The following LYRM1 variants were observed in gnomAD, a reference collection of about 807,000 sequenced individuals.
LYRM1 encodes LYR motif-containing protein 1.
In LYRM1, 14 loss-of-function variants were observed where a neutral mutation model predicts 14.9. The ratio of observed to expected loss-of-function variants is 0.94; its 90% CI spans 0.62 to 1.47. The LOEUF is 1.47. LYRM1 is among the 40% of genes most tolerant of loss of function. The probability of loss-of-function intolerance (pLI) is 0.00; values close to 1 mark genes in which losing one functional copy is unlikely to be tolerated. For missense variants in LYRM1, 153 were observed against 149.9 expected (o/e 1.02, Z -0.11); for synonymous variants, 43 against 56.2 (o/e 0.77, Z 1.05).
chr16:20,922,747 C>T (rs1300930786), intron 3 of LYRM1, among the ~76,000 whole-genome samples: 1 of 152,142 alleles, frequency 6.6e-6, no homozygotes, highest in Non-Finnish European at 1.5e-5. Flanking sequence ...CTCAGCTTCC[C>T]AAAGTGCTGG....
At chr16:20,923,874 G>A in intron 3 of LYRM1, 126 bp from the exon 4 acceptor site, 2 of 573,890 alleles carry the variant, frequency 3.5e-6, no homozygotes, top group South Asian at 4.9e-5. Context: ...CTTGTGTAAA[G>A]ATTAATGAAT....
chr16:20,919,989 C>T, intron 2 of LYRM1, 133 bp from the exon 3 acceptor site: 1 of 501,248 alleles, frequency 2.0e-6, no homozygotes, highest in Non-Finnish European at 3.5e-6. Context: ...TATTAAATTG[C>T]TTTTGATTTT....
chr16:20,918,672 T>C (rs1466272018), intron 2 of LYRM1, among the ~76,000 whole-genome samples: 1 of 152,160 alleles, frequency 6.6e-6, no homozygotes, highest in Non-Finnish European at 1.5e-5. Flanking sequence ...TTTTCTTTCT[T>C]CCTAGTCCCT....
At position 20,924,128 on chromosome 16, in the gene LYRM1, G is replaced by A. The variant is rs750970900; in HGVS notation, c.*12G>A. The A allele has an allele frequency of 2.8e-6, 4 of 1,434,928 alleles. No individual in the cohort carries two copies. Among genetic ancestry groups the A allele is most frequent in the Non-Finnish European group, 3.9e-6 (4 of 1,026,644 alleles). 88.9% of individuals were successfully genotyped at this position (1,434,928 alleles called of 1,614,324 possible). ...ATGAAGTTTCCTAATCTAGAGGAAAGTTTATTTCTGCAAATGATGAGCCAA... is the reference window on the plus strand; with the variant it reads ...ATGAAGTTTCCTAATCTAGAGGAAAATTTATTTCTGCAAATGATGAGCCAA... On this transcript the variant is annotated 3_prime_UTR_variant, in exon 4 of 4. Transcript: ENST00000567954.
intron 3 of LYRM1, among the ~76,000 whole-genome samples, chr16:20,923,543 A>G (rs923683001): frequency 6.0e-5 from 9 of 151,252 alleles, no homozygotes; most frequent in Admixed American, 2.6e-4. Flanking sequence ...CATCCCAGCC[A>G]TAATTTAACC....
At chr16:20,915,523 A>C in intron 1 of LYRM1, 33 bp from the exon 2 acceptor site, 1 of 1,595,856 alleles carries the variant, frequency 6.3e-7, no homozygotes, top group Non-Finnish European at 8.5e-7. Flanking sequence ...TTTTTATGCA[A>C]ATTTTCCCTC....
At chr16:20,903,322 C>T (rs80212650) in intron 1 of LYRM1, among the ~76,000 whole-genome samples, 2,302 of 152,302 alleles carry the variant, frequency 0.015, 25 homozygotes, top group Middle Eastern at 0.088. Context: ...AGCTGTCTCC[C>T]GTCTATGTGG....
chr16:20,915,229 T>G (rs369134815), intron 1 of LYRM1, among the ~76,000 whole-genome samples: 40 of 152,218 alleles, frequency 2.6e-4, no homozygotes, highest in African/African-American at 9.1e-4. Context: ...TCCCAGCACT[T>G]TGGGAGGCCG....
chr16:20,916,015 T>C (rs2082874815), intron 2 of LYRM1, among the ~76,000 whole-genome samples: 1 of 152,204 alleles, frequency 6.6e-6, no homozygotes, highest in Non-Finnish European at 1.5e-5. Flanking sequence ...CCAGTCCTCA[T>C]ACTGTACCAG....
rs2082041467 is a variant in LYRM1 at position 20,901,381 on chromosome 16, A to G, written c.-1+492A>G. On this transcript the variant is annotated intron_variant, in intron 1 of 3. Transcript: ENST00000567954. This position sits in a 1 kb window ranked among gnomAD's most constrained non-coding sequence, Gnocchi z 4.6. ...CAGGAGAGAGTTAAGTAAATCAATA[A>G]AGAAGGTATCAGCAAGTGAGAAATG... Among the ~76,000 whole-genome samples, 1 of 152,184 alleles carries G rather than the reference A, an allele frequency of 6.6e-6. No individual in the cohort carries two copies. The highest frequency in any genetic ancestry group is 1.5e-5 in the Non-Finnish European group (1 of 68,030).
At chr16:20,907,361 TTTTTA>T (rs1484130123) in intron 1 of LYRM1, among the ~76,000 whole-genome samples, 1 of 152,106 alleles carries the variant, frequency 6.6e-6, no homozygotes, top group Non-Finnish European at 1.5e-5. Flanking sequence ...ATGTTCATCT[TTTTTA>T]TTTTCATTTT....
chr16:20,912,913 G>A (rs1002548316), intron 1 of LYRM1, among the ~76,000 whole-genome samples: 3 of 151,372 alleles, frequency 2.0e-5, no homozygotes, highest in Non-Finnish European at 4.4e-5. Flanking sequence ...CTAAAAATAC[G>A]AAATTAGCCA....
intron 3 of LYRM1, among the ~76,000 whole-genome samples, chr16:20,922,463 T>C (rs1362058037): frequency 6.6e-6 from 1 of 152,118 alleles, no homozygotes; most frequent in African/African-American, 2.4e-5. Flanking sequence ...TAGACAGAGA[T>C]ACATCTAGAT....
chr16:20,920,685 T>G (rs1341112174), intron 3 of LYRM1: 1 of 163,950 alleles, frequency 6.1e-6, no homozygotes, highest in African/African-American at 2.4e-5. Flanking sequence ...GTTAGGAGTT[T>G]GAGACCAGCC....
At chr16:20,917,074 G>A (rs886488040) in intron 2 of LYRM1, among the ~76,000 whole-genome samples, 3 of 147,404 alleles carry the variant, frequency 2.0e-5, no homozygotes, top group Admixed American at 1.4e-4. Flanking sequence ...AAAAAAAAGC[G>A]TTACTACAGA....
intron 1 of LYRM1, among the ~76,000 whole-genome samples, chr16:20,907,257 G>A (rs1204217531): frequency 6.6e-6 from 1 of 152,186 alleles, no homozygotes; most frequent in Non-Finnish European, 1.5e-5. Context: ...TTGCGCTTAA[G>A]ACCAGAAACA....
chr16:20,916,945 TG>T, intron 2 of LYRM1, among the ~76,000 whole-genome samples: 1 of 151,940 alleles, frequency 6.6e-6, no homozygotes, highest in Non-Finnish European at 1.5e-5. Context: ...AGGCTGGACA[TG>T]GTGGCTCACG....
chr16:20,917,446 C>T (rs1272555877), intron 2 of LYRM1, among the ~76,000 whole-genome samples: 1 of 151,776 alleles, frequency 6.6e-6, no homozygotes, highest in Non-Finnish European at 1.5e-5. Flanking sequence ...GCTGTGGGCT[C>T]AGAAATATTT....
Position 20,921,849 on chromosome 16 carries a change from T to C in LYRM1, c.252+1635T>C, listed in dbSNP as rs980901241. The C allele has an allele frequency of 2.6e-5, 4 of 152,336 alleles. No individual in the cohort carries two copies. In the East Asian group the frequency reaches 7.7e-4, roughly 29 times the overall value. 9.4% of individuals were successfully genotyped at this position (152,336 alleles called of 1,614,324 possible). The stretch of plus-strand genomic sequence containing the variant: ...ATTGTAGTGGCTCAACCTAATTAGT[T>C]TGGTAGTATACCCTTTTAGTCTTTT... On this transcript the variant is annotated intron_variant, in intron 3 of 3. Coordinates refer to ENST00000567954, the MANE Select transcript of LYRM1 (RefSeq NM_001128302.3).
Sources: allele counts gnomAD v4.1 joint callset (sites outside exome capture counted in the v4.1 genomes callset), GRCh38; gene constraint gnomAD v4.1.1; non-coding constraint Gnocchi (gnomAD v3.1); transcripts MANE v1.5; gene names NCBI Gene and HGNC (gene_info 2026-07-23, HGNC 2026-07-21).